SPTLC1: variants seen among roughly 807,000 people sequenced by gnomAD.
The protein encoded by SPTLC1 is serine palmitoyltransferase 1.
Under a neutral mutation model 68.9 loss-of-function variants are expected in SPTLC1, and 55 were observed. The ratio of observed to expected loss-of-function variants is 0.80; its 90% CI spans 0.64 to 1.00. The LOEUF is 1.00. SPTLC1 is among the 50% of genes least tolerant of loss of function. SPTLC1 has a pLI of 0.00. For missense variants in SPTLC1, 449 were observed against 573.1 expected (o/e 0.78, Z 2.21); for synonymous variants, 197 against 201.6 (o/e 0.98, Z 0.19).
chr9:92,103,910 AG>A (rs1276401809), intron 3 of SPTLC1, among the ~76,000 whole-genome samples: 1 of 152,134 alleles, frequency 6.6e-6, no homozygotes, highest in Non-Finnish European at 1.5e-5. Context: ...ACAGCCCCAC[AG>A]GGGGGCCCAT....
chr9:92,063,301 T>TACCTCATA (rs1217538921), intron 6 of SPTLC1, among the ~76,000 whole-genome samples: 2 of 152,118 alleles, frequency 1.3e-5, no homozygotes, highest in African/African-American at 2.4e-5. Flanking sequence ...AAACACAAAC[T>TACCTCATA]ACCTCAATTC....
intron 8 of SPTLC1, among the ~76,000 whole-genome samples, chr9:92,052,295 C>T (rs954481259): frequency 6.6e-6 from 1 of 152,060 alleles, no homozygotes; most frequent in African/African-American, 2.4e-5. Flanking sequence ...CATCTATGGT[C>T]AATTAATTTC....
chr9:92,051,094 A>T lies in SPTLC1; in HGVS notation c.781-1027T>A. 3 of 985,180 alleles carry T rather than the reference A, an allele frequency of 3.0e-6. No homozygotes were observed. In the South Asian group the frequency reaches 1.4e-4, roughly 46 times the overall value. The allele number at this position is 985,180 out of a possible 1,614,324, so 61.0% of individuals were successfully genotyped here. ...TATACGTCCTAGTATCTTCTGGTTC[A>T]CTACCTCCCTCCCATTATTCTATCA... On this transcript the variant is annotated intron_variant, in intron 8 of 14. Coordinates refer to ENST00000262554, the MANE Select transcript of SPTLC1 (RefSeq NM_006415.4).
chr9:92,114,976 T>G, intron 1 of SPTLC1: 1 of 418,066 alleles, frequency 2.4e-6, no homozygotes, highest in Non-Finnish European at 4.5e-6. Context: ...GGTGTTCCAC[T>G]CATTTTCACC....
At chr9:92,065,912 T>C (rs773183090) in intron 6 of SPTLC1, among the ~76,000 whole-genome samples, 1 of 152,162 alleles carries the variant, frequency 6.6e-6, no homozygotes, top group Non-Finnish European at 1.5e-5. Context: ...TCTGTAGTAA[T>C]TATGATAGAA....
intron 3 of SPTLC1, among the ~76,000 whole-genome samples, chr9:92,089,215 A>C (rs1019726284): frequency 4.6e-5 from 7 of 152,330 alleles, no homozygotes; most frequent in Admixed American, 3.3e-4. Flanking sequence ...GTTCAAGACC[A>C]GCCTGACCAA....
At chr9:92,084,265 C>T (rs1835020320) in intron 3 of SPTLC1, among the ~76,000 whole-genome samples, 2 of 150,550 alleles carry the variant, frequency 1.3e-5, no homozygotes, top group Admixed American at 6.6e-5. Context: ...CTGGCCAGAA[C>T]TTCCAACACT....
chr9:92,084,065 T>G (rs1423865463), intron 3 of SPTLC1, among the ~76,000 whole-genome samples: 3 of 151,992 alleles, frequency 2.0e-5, no homozygotes, highest in Non-Finnish European at 4.4e-5. Context: ...TGTATAAGAA[T>G]GCTTGTGATT....
At chr9:92,080,123 T>A in intron 4 of SPTLC1, 35 bp from the exon 5 acceptor site, 1 of 1,555,850 alleles carries the variant, frequency 6.4e-7, no homozygotes, top group Non-Finnish European at 8.9e-7. Context: ...CTTTAATAAT[T>A]TATCTTTAAG....
chr9:92,050,059 T>C lies in SPTLC1; in HGVS notation c.789A>G (p.Leu263=), dbSNP rs781743122. ...AGATTCTTGCTTTGTATTTGTATTT[T>C]AACTTAACCTAAGTGTTATATAAAC... ...TICPLPELVK[L]KYKYKARIFL... The change falls in exon 9 of 15, where the codon TTA becomes TTG. Residue 263 remains leucine (L), a synonymous_variant. Transcript: ENST00000262554. 6.3e-7 allele frequency: 1 copy of C among 1,599,162 alleles called. No individual in the cohort carries two copies. Among genetic ancestry groups the C allele is most frequent in the East Asian group, 2.2e-5 (1 of 44,804 alleles).
chr9:92,103,703 C>T (rs541118113), intron 3 of SPTLC1, among the ~76,000 whole-genome samples: 9 of 152,254 alleles, frequency 5.9e-5, no homozygotes, highest in Non-Finnish European at 8.8e-5. Flanking sequence ...ATGGAGAAGG[C>T]GGGCCTTGCT....
Position 92,038,366 on chromosome 9 carries a change from C to CCTTGTAAAGCTTTATGAATTTG in SPTLC1, c.1137-2_1137-1insCAAATTCATAAAGCTTTACAAG, listed in dbSNP as rs1833219957. On this transcript the variant is annotated splice_acceptor_variant, in intron 12 of 14. Transcript: ENST00000262554. LOFTEE classifies it high-confidence loss of function. ...CCCCACCACTTTTAATCCAGAAATG[C>CCTTGTAAAGCTTTATGAATTTG]TGAAGAAGGGAAACACACACACAGC... 1 of 1,592,514 alleles carries CCTTGTAAAGCTTTATGAATTTG rather than the reference C, an allele frequency of 6.3e-7. No homozygotes were observed. Among genetic ancestry groups the CCTTGTAAAGCTTTATGAATTTG allele is most frequent in the African/African-American group, 1.3e-5 (1 of 74,136 alleles).
At chr9:92,080,844 C>T (rs1834856009) in intron 4 of SPTLC1, 26 bp downstream of exon 4, 1 of 1,534,398 alleles carries the variant, frequency 6.5e-7, no homozygotes. Flanking sequence ...TGTTATCTGT[C>T]CACTTCAGCA....
intron 7 of SPTLC1, 134 bp from the exon 8 acceptor site, chr9:92,055,628 T>C: frequency 1.1e-6 from 1 of 882,972 alleles, no homozygotes; most frequent in Non-Finnish European, 1.8e-6. Flanking sequence ...AAGCTCAGTG[T>C]TTGTGATGGG....
Position 92,050,295 on chromosome 9 carries a change from C to T in SPTLC1, c.781-228G>A, listed in dbSNP as rs1587918804. The T allele has an allele frequency of 6.3e-6, 3 of 479,342 alleles. No homozygotes were observed. The East Asian group carries it at 1.2e-4, about 19-fold the overall frequency. 29.7% of individuals were successfully genotyped at this position (479,342 alleles called of 1,614,324 possible). A position where few individuals can be genotyped will look rare whatever the true frequency, so the allele number is the denominator to read the frequency against. ...GCAGAGCAGTGAAGAATTTGAATTA[C>T]CTGACACGTGTTTTCCCAGGTGAGG... On this transcript the variant is annotated intron_variant, in intron 8 of 14. Transcript: ENST00000262554.
intron 5 of SPTLC1, among the ~76,000 whole-genome samples, chr9:92,078,243 G>A (rs1834752979): frequency 6.6e-6 from 1 of 152,122 alleles, no homozygotes; most frequent in African/African-American, 2.4e-5. Context: ...ACCTCAGCAA[G>A]CAGTCACAGA....
At chr9:92,105,352 G>T in intron 3 of SPTLC1, 1 of 1,519,898 alleles carries the variant, frequency 6.6e-7, no homozygotes, top group Non-Finnish European at 8.8e-7. Context: ...GTAAGAACAT[G>T]AGGTTGTTAA....
intron 2 of SPTLC1, chr9:92,111,223 C>T (rs112173464): frequency 6.6e-6 from 1 of 152,108 alleles, no homozygotes; most frequent in Non-Finnish European, 1.5e-5. Context: ...ACATTCTTTT[C>T]GAAGCTACAC....
At chr9:92,095,358 C>A (rs1835493616) in intron 3 of SPTLC1, among the ~76,000 whole-genome samples, 1 of 152,138 alleles carries the variant, frequency 6.6e-6, no homozygotes, top group African/African-American at 2.4e-5. Context: ...TATCCTATTC[C>A]TGGTTCTATA....
Sources: allele counts gnomAD v4.1 joint callset (sites outside exome capture counted in the v4.1 genomes callset), GRCh38; gene constraint gnomAD v4.1.1; transcripts MANE v1.5; gene names NCBI Gene and HGNC (gene_info 2026-07-23, HGNC 2026-07-21).